TRPV2: variants seen among roughly 807,000 people sequenced by gnomAD.
TRPV2 encodes the protein transient receptor potential cation channel subfamily V member 2.
A neutral mutation model predicts 91.0 loss-of-function variants in TRPV2; 58 were observed. The ratio of observed to expected loss-of-function variants is 0.64; its 90% CI spans 0.52 to 0.79. The LOEUF (loss-of-function observed/expected upper bound fraction) is 0.79. TRPV2 is among the 30% of genes least tolerant of loss of function. The probability of loss-of-function intolerance (pLI) is 0.00; values close to 1 mark genes in which losing one functional copy is unlikely to be tolerated. For synonymous variants in TRPV2, 417 were observed against 414.8 expected (o/e 1.01, Z -0.06); for missense variants, 807 against 969.6 (o/e 0.83, Z 2.23).
chr17:16,423,038 A>G, intron 4 of TRPV2, 149 bp downstream of exon 4: 1 of 1,030,046 alleles, frequency 9.7e-7, no homozygotes, highest in African/African-American at 1.6e-5. Context: ...TGCCTGCAAA[A>G]GCAGTTTGTC....
chr17:16,431,933 T>A (rs1202834189), intron 11 of TRPV2, 33 bp from the exon 12 acceptor site: 15 of 1,611,508 alleles, frequency 9.3e-6, no homozygotes, highest in Non-Finnish European at 1.0e-5. Context: ...ACCGGTCTCC[T>A]GGGCTAAGGA....
chr17:16,436,952 G>A lies in TRPV2; in HGVS notation c.*63G>A, dbSNP rs1240964687. The stretch of plus-strand genomic sequence containing the variant: ...AGGATCTTTCCAACCACATCTGCTG[G>A]CTCTGGGGTCCCAGTGAATTCTGGT... On this transcript the variant is annotated 3_prime_UTR_variant, in exon 15 of 15. Transcript: ENST00000338560. 7.7e-7 allele frequency: 1 copy of A among 1,302,592 alleles called. No individual in the cohort carries two copies. The highest frequency in any genetic ancestry group is 1.1e-6 in the Non-Finnish European group (1 of 903,136). The allele number at this position is 1,302,592 out of a possible 1,614,324, so 80.7% of individuals were successfully genotyped here. A position where few individuals can be genotyped will look rare whatever the true frequency, so the allele number is the denominator to read the frequency against.
At chr17:16,428,480 A>G in intron 9 of TRPV2, 93 bp downstream of exon 9, 3 of 1,336,598 alleles carry the variant, frequency 2.2e-6, no homozygotes, top group Non-Finnish European at 3.2e-6. Context: ...TTTAGAGGCG[A>G]GGACACGGGG....
At chr17:16,418,581 G>A (rs2093341979) in intron 2 of TRPV2, among the ~76,000 whole-genome samples, 1 of 152,080 alleles carries the variant, frequency 6.6e-6, no homozygotes. Context: ...TCGCAGGCTA[G>A]AGCTGCTTCC....
chr17:16,427,376 A>G (rs1432991072), intron 7 of TRPV2, 73 bp from the exon 8 acceptor site: 2 of 1,444,708 alleles, frequency 1.4e-6, no homozygotes, highest in Non-Finnish European at 1.9e-6. Context: ...GTAGGCCCTC[A>G]GCTTCAGCTC....
intron 12 of TRPV2, 112 bp downstream of exon 12, chr17:16,432,412 A>G: frequency 1.1e-6 from 1 of 897,086 alleles, no homozygotes; most frequent in Non-Finnish European, 1.6e-6. Context: ...CGGGTTGGGC[A>G]GCTCTACCTT....
intron 3 of TRPV2, 28 bp downstream of exon 3, chr17:16,420,276 T>A: frequency 6.3e-7 from 1 of 1,582,098 alleles, no homozygotes; most frequent in Non-Finnish European, 8.6e-7. Flanking sequence ...GATCCAAGGC[T>A]AGGCATCCTG....
Position 16,426,043 on chromosome 17 carries a change from C to G in TRPV2, c.925-56C>G. The G allele has an allele frequency of 6.3e-7, 1 of 1,598,234 alleles. No individual in the cohort carries two copies. Among genetic ancestry groups the G allele is most frequent in the Non-Finnish European group, 8.6e-7 (1 of 1,168,736 alleles). ...GTCCTGGGTGTTTCCCAGCCTTGGC[C>G]CAGGATCAGTGCCAGGAAGGGACCA... On this transcript the variant is annotated intron_variant, in intron 5 of 14. Transcript: ENST00000338560. The surrounding 1 kb of genome is among the most constrained non-coding windows in gnomAD (Gnocchi z 6.0).
chr17:16,421,582 C>T (rs569785524), intron 3 of TRPV2, among the ~76,000 whole-genome samples: 43 of 141,666 alleles, frequency 3.0e-4, no homozygotes, highest in African/African-American at 1.0e-3. Context: ...AGTGCAGTGG[C>T]GTGATCTCAG....
intron 3 of TRPV2, among the ~76,000 whole-genome samples, chr17:16,421,323 G>A (rs1346542437): frequency 1.3e-5 from 2 of 151,306 alleles, no homozygotes; most frequent in Non-Finnish European, 2.9e-5. Context: ...CCATTCTCCT[G>A]CCTCAGCCTC....
At chr17:16,420,026 A>G (rs2093348858) in intron 2 of TRPV2, 89 bp from the exon 3 acceptor site, 4 of 1,544,582 alleles carry the variant, frequency 2.6e-6, no homozygotes, top group Non-Finnish European at 3.5e-6. Context: ...TGTGTACAGG[A>G]CTCCCTGAAA....
rs1453253540 is a variant in TRPV2, at chr17:16,434,949, C to T, written c.2174C>T (p.Pro725Leu). The change falls in exon 14 of 15, where the codon CCG becomes CTG. Residue 725 changes from proline to leucine, a missense_variant. Physicochemically the swap from Pro to Leu is moderately conservative, Grantham distance 98. Coordinates refer to ENST00000338560, the MANE Select transcript of TRPV2 (RefSeq NM_016113.5). The stretch of plus-strand genomic sequence containing the variant: ...ACGCTGCCTACGCTGTGTGAGGACC[C>T]GTCAGGGGCAGGTGTCCCTCGTGAG... Reference protein sequence around the residue: ...EQTLPTLCEDPSGAGVPRTLE... With the variant: ...EQTLPTLCEDLSGAGVPRTLE... 4 of 1,610,638 alleles carry T rather than the reference C, an allele frequency of 2.5e-6. No individual in the cohort carries two copies. Among genetic ancestry groups the T allele is most frequent in the Non-Finnish European group, 1.7e-6 (2 of 1,178,478 alleles).
chr17:16,417,899 G>T (rs1266542453), intron 2 of TRPV2, 31 bp downstream of exon 2: 1 of 1,601,498 alleles, frequency 6.2e-7, no homozygotes, highest in Non-Finnish European at 8.5e-7. Flanking sequence ...AGGGCAAAGG[G>T]GGCCCCCTGC....
At chr17:16,428,267 G>A (rs1257138375) in intron 8 of TRPV2, 50 bp from the exon 9 acceptor site, 5 of 1,577,102 alleles carry the variant, frequency 3.2e-6, no homozygotes, top group Non-Finnish European at 2.6e-6. Flanking sequence ...CCAGCAGGGG[G>A]CATGCGGGAG....
At chr17:16,417,938 A>G (rs1020120581) in intron 2 of TRPV2, 70 bp downstream of exon 2, 2 of 1,421,358 alleles carry the variant, frequency 1.4e-6, no homozygotes, top group Admixed American at 4.0e-5. Flanking sequence ...CCGGAGTGAG[A>G]CTCATTGACT....
At chr17:16,419,366 G>T in intron 2 of TRPV2, 1 of 471,068 alleles carries the variant, frequency 2.1e-6, no homozygotes. Flanking sequence ...CCTTCTTGGT[G>T]GTGTCTGATA....
At chr17:16,436,427 G>A (rs1371666763) in intron 14 of TRPV2, among the ~76,000 whole-genome samples, 1 of 152,154 alleles carries the variant, frequency 6.6e-6, no homozygotes, top group Admixed American at 6.5e-5. Flanking sequence ...TCTGTCGGAA[G>A]TGCTCTTCCT....
At chr17:16,422,271 C>T (rs2093361279) in intron 3 of TRPV2, among the ~76,000 whole-genome samples, 1 of 141,286 alleles carries the variant, frequency 7.1e-6, no homozygotes, top group South Asian at 2.2e-4. Context: ...TGCAGTGAGC[C>T]AAGATTGCGC....
At chr17:16,419,437 G>C (rs1270289182) in intron 2 of TRPV2, 4 of 470,620 alleles carry the variant, frequency 8.5e-6, no homozygotes, top group African/African-American at 8.0e-5. Context: ...GAAATTTCTT[G>C]CTGCCAAGCC....
Sources: allele counts gnomAD v4.1 joint callset (sites outside exome capture counted in the v4.1 genomes callset), GRCh38; gene constraint gnomAD v4.1.1; non-coding constraint Gnocchi (gnomAD v3.1); transcripts MANE v1.5; gene names NCBI Gene and HGNC (gene_info 2026-07-23, HGNC 2026-07-21).